The following TXLNB variants were observed in gnomAD, a reference collection of about 807,000 sequenced individuals.
TXLNB encodes the protein taxilin beta.
TXLNB carries 37 observed loss-of-function variants against 57.4 expected under a neutral mutation model. That is an observed-to-expected ratio of 0.64 (90% confidence interval 0.50 to 0.85). The LOEUF (loss-of-function observed/expected upper bound fraction) is 0.85, where lower values mean the gene tolerates loss of function less well. TXLNB is among the 40% of genes least tolerant of loss of function. The pLI is 0.00. For missense variants in TXLNB, 848 were observed against 825.6 expected, an observed-to-expected ratio of 1.03 and a Z score of -0.33; for synonymous variants, 302 against 309.6, an observed-to-expected ratio of 0.98 and a Z score of 0.26.
the TXLNB span, among the ~76,000 whole-genome samples, chr6:139,316,439 C>T: frequency 5.3e-5 from 8 of 152,168 alleles, no homozygotes; most frequent in Non-Finnish European, 1.2e-4. Flanking sequence ...TCCCTTACCC[C>T]TGATGTTTTC....
At chr6:139,245,885 T>G (rs1286030934) in intron 8 of TXLNB, among the ~76,000 whole-genome samples, 1 of 151,662 alleles carries the variant, frequency 6.6e-6, no homozygotes, top group African/African-American at 2.4e-5. Context: ...GTAGAAACAG[T>G]GTTTCACCAT....
Position 139,242,173 on chromosome 6 carries a change from C to T in TXLNB, c.*353G>A, listed in dbSNP as rs1386830308. On this transcript the variant is annotated 3_prime_UTR_variant, in exon 10 of 10. Coordinates refer to ENST00000358430, the MANE Select transcript of TXLNB (RefSeq NM_153235.4). ...CCAAATAAGCAGAACATCACATTTT[C>T]AGTATTTATATATTGCAGTGGAAGT... 1 of 171,288 alleles carries T rather than the reference C, an allele frequency of 5.8e-6. No homozygotes were observed. Among genetic ancestry groups the T allele is most frequent in the Non-Finnish European group, 1.2e-5 (1 of 81,526 alleles). 10.6% of individuals were successfully genotyped at this position (171,288 alleles called of 1,614,324 possible).
chr6:139,288,675 G>T lies in TXLNB; in HGVS notation c.225C>A (p.Ser75Arg), dbSNP rs1470974370. 7 of 1,614,036 alleles carry T rather than the reference G, an allele frequency of 4.3e-6. No individual in the cohort carries two copies. The highest frequency in any genetic ancestry group is 2.7e-5 in the African/African-American group (2 of 74,924). The change falls in exon 2 of 10, where the codon AGC becomes AGA. Residue 75 changes from serine (S) to arginine (R), a missense_variant. By Grantham distance (110) the Ser-to-Arg change is moderately radical (BLOSUM62 -1). Coordinates refer to ENST00000358430, the MANE Select transcript of TXLNB (RefSeq NM_153235.4). ...DIINTYGSAA[S>R]TAGKEGSARA... ...TGGCAGAGCCCTCTTTCCCTGCTGT[G>T]CTGGCAGCAGACCCATAAGTGTTAA...
At chr6:139,202,217 C>T in the TXLNB span, among the ~76,000 whole-genome samples, 3,154 of 152,200 alleles carry the variant, frequency 0.021, 110 homozygotes, top group African/African-American at 0.072. Context: ...AACCAAGAAC[C>T]ATTTCAGTGA....
At chr6:139,169,823 C>T in the TXLNB span, 1 of 152,200 alleles carries the variant, frequency 6.6e-6, no homozygotes, top group South Asian at 2.1e-4. Flanking sequence ...ACTCCTGTCA[C>T]ATTTTGTTCA....
At chr6:139,180,373 G>A in the TXLNB span, 1 of 152,654 alleles carries the variant, frequency 6.6e-6, no homozygotes, top group African/African-American at 2.4e-5. Context: ...TACACAGTCT[G>A]TTCTCCTGTG....
chr6:139,209,087 C>T, the TXLNB span, among the ~76,000 whole-genome samples: 4 of 152,212 alleles, frequency 2.6e-5, no homozygotes, highest in East Asian at 1.9e-4. Context: ...ATGAATTCAG[C>T]GATATTTCAG....
the TXLNB span, among the ~76,000 whole-genome samples, chr6:139,215,735 A>G: frequency 7.0e-4 from 107 of 152,330 alleles, no homozygotes; most frequent in African/African-American, 1.8e-3. Flanking sequence ...CATTGGACAA[A>G]GGGCTAATAT....
chr6:139,166,594 G>T, the TXLNB span: 4 of 1,614,266 alleles, frequency 2.5e-6, no homozygotes, highest in East Asian at 6.7e-5. Context: ...GGTATCAGGT[G>T]AAGCGGATGC....
intron 2 of TXLNB, among the ~76,000 whole-genome samples, chr6:139,284,302 G>A (rs1777122426): frequency 6.9e-6 from 1 of 144,884 alleles, no homozygotes. Flanking sequence ...GGCCGAGGCG[G>A]GTGGATCATG....
chr6:139,183,564 C>CTT, the TXLNB span: 1 of 152,186 alleles, frequency 6.6e-6, no homozygotes, highest in African/African-American at 2.4e-5. Context: ...ATGAATGGCA[C>CTT]TTAGACTCTC....
the TXLNB span, among the ~76,000 whole-genome samples, chr6:139,302,537 G>A: frequency 1.3e-5 from 2 of 151,454 alleles, no homozygotes; most frequent in Admixed American, 1.3e-4. Context: ...GCTGAGGCGG[G>A]TGGATTGCCT....
chr6:139,161,802 G>A, the TXLNB span, among the ~76,000 whole-genome samples: 9 of 152,138 alleles, frequency 5.9e-5, no homozygotes, highest in South Asian at 2.1e-4. Flanking sequence ...TTTCAGGGAC[G>A]TTTACTTCAA....
chr6:139,230,071 G>T, the TXLNB span, among the ~76,000 whole-genome samples: 1 of 152,066 alleles, frequency 6.6e-6, no homozygotes, highest in Admixed American at 6.6e-5. Context: ...AACACGTGTG[G>T]CAGACAATTA....
intron 2 of TXLNB, among the ~76,000 whole-genome samples, chr6:139,278,334 A>C (rs1776953646): frequency 6.6e-6 from 1 of 152,126 alleles, no homozygotes; most frequent in Non-Finnish European, 1.5e-5. Context: ...CCTCATTCCC[A>C]ACAGTTAGTT....
the TXLNB span, among the ~76,000 whole-genome samples, chr6:139,190,500 G>A: frequency 1.3e-4 from 19 of 151,844 alleles, no homozygotes; most frequent in African/African-American, 4.6e-4. Flanking sequence ...TAGTAGAGAC[G>A]GGGTTTCACC....
chr6:139,199,576 C>G, the TXLNB span, among the ~76,000 whole-genome samples: 84,524 of 151,990 alleles, frequency 0.56, 24,480 homozygotes, highest in Non-Finnish European at 0.59. Flanking sequence ...TGCATTGAAC[C>G]CAAGCTGGGG....
the TXLNB span, among the ~76,000 whole-genome samples, chr6:139,301,643 G>A: frequency 1.3e-5 from 2 of 152,148 alleles, no homozygotes; most frequent in African/African-American, 2.4e-5. Context: ...AGTCCTCACC[G>A]AAGAAAGTGC....
the TXLNB span, among the ~76,000 whole-genome samples, chr6:139,195,065 C>G: frequency 6.6e-6 from 1 of 152,176 alleles, no homozygotes; most frequent in African/African-American, 2.4e-5. Flanking sequence ...GGGCTTCATT[C>G]CTTTCTCAAG....
Sources: allele counts gnomAD v4.1 joint callset (sites outside exome capture counted in the v4.1 genomes callset), GRCh38; gene constraint gnomAD v4.1.1; transcripts MANE v1.5; gene names NCBI Gene and HGNC (gene_info 2026-07-23, HGNC 2026-07-21).